SPMIP3: variants seen among roughly 807,000 people sequenced by gnomAD.
The protein encoded by SPMIP3 is protein SPMIP3.
the SPMIP3 span, among the ~76,000 whole-genome samples, chr1:244,371,734 G>T: frequency 1.1e-4 from 17 of 152,304 alleles, no homozygotes; most frequent in Non-Finnish European, 2.4e-4. Context: ...CCTTTAGGTG[G>T]GTTCTTAAAC....
chr1:244,374,973 TTTTCA>T, the SPMIP3 span: 1 of 153,524 alleles, frequency 6.5e-6, no homozygotes, highest in African/African-American at 2.4e-5. Flanking sequence ...TTTGTTTTTC[TTTTCA>T]TTTAATTTCA....
At chr1:244,370,043 A>G in the SPMIP3 span, among the ~76,000 whole-genome samples, 1 of 152,078 alleles carries the variant, frequency 6.6e-6, no homozygotes, top group Non-Finnish European at 1.5e-5. Flanking sequence ...TTTACAGGCT[A>G]CTCTTTGTTA....
the SPMIP3 span, among the ~76,000 whole-genome samples, chr1:244,357,904 C>A: frequency 1.3e-5 from 2 of 151,560 alleles, no homozygotes; most frequent in African/African-American, 4.9e-5. Flanking sequence ...ATAGTGAGAC[C>A]CATCTCTACA....
the SPMIP3 span, among the ~76,000 whole-genome samples, chr1:244,373,404 G>A: frequency 7.1e-6 from 1 of 140,192 alleles, no homozygotes; most frequent in Non-Finnish European, 1.5e-5. Flanking sequence ...TTAGGAAGCT[G>A]AAACAGGAGG....
chr1:244,372,009 C>A, the SPMIP3 span, among the ~76,000 whole-genome samples: 7 of 152,234 alleles, frequency 4.6e-5, no homozygotes, highest in Non-Finnish European at 8.8e-5. Context: ...TTTGCACAGA[C>A]AGAGACAGAA....
At chr1:244,371,633 T>G in the SPMIP3 span, among the ~76,000 whole-genome samples, 1 of 152,336 alleles carries the variant, frequency 6.6e-6, no homozygotes, top group East Asian at 1.9e-4. Flanking sequence ...CTGAGTTTAC[T>G]CACCTGTATT....
At chr1:244,362,399 C>T in the SPMIP3 span, among the ~76,000 whole-genome samples, 1 of 152,202 alleles carries the variant, frequency 6.6e-6, no homozygotes, top group Non-Finnish European at 1.5e-5. Flanking sequence ...ATACAAGTTA[C>T]TTAACTTCTT....
At chr1:244,375,260 A>C in the SPMIP3 span, 1 of 802,624 alleles carries the variant, frequency 1.2e-6, no homozygotes, top group Non-Finnish European at 2.0e-6. Context: ...TCAGTGCCAG[A>C]AACTGGGGAC....
At chr1:244,356,230 T>G in the SPMIP3 span, among the ~76,000 whole-genome samples, 60,667 of 152,004 alleles carry the variant, frequency 0.4, 12,677 homozygotes, top group Middle Eastern at 0.5. Flanking sequence ...GAGCACTCAG[T>G]CTTTAACCAT....
At chr1:244,379,745 C>T in the SPMIP3 span, among the ~76,000 whole-genome samples, 46 of 152,088 alleles carry the variant, frequency 3.0e-4, no homozygotes, top group South Asian at 5.8e-3. Flanking sequence ...TTTGGGAGGC[C>T]GAGGCAGGCG....
the SPMIP3 span, among the ~76,000 whole-genome samples, chr1:244,370,201 G>A: frequency 4.6e-5 from 7 of 152,196 alleles, no homozygotes; most frequent in South Asian, 2.1e-4. Flanking sequence ...CAAATGTCTC[G>A]TTTACTCTCA....
chr1:244,375,337 T>C, the SPMIP3 span: 53 of 1,516,300 alleles, frequency 3.5e-5, no homozygotes, highest in Non-Finnish European at 4.8e-5. Context: ...ATTGTAAGAA[T>C]GGCTTTCTTC....
At chr1:244,372,355 A>G in the SPMIP3 span, among the ~76,000 whole-genome samples, 1 of 152,196 alleles carries the variant, frequency 6.6e-6, no homozygotes, top group Non-Finnish European at 1.5e-5. Flanking sequence ...GTCGAACTGA[A>G]GGCATAGTTT....
the SPMIP3 span, among the ~76,000 whole-genome samples, chr1:244,360,509 T>TACAC: frequency 0.087 from 5,107 of 58,698 alleles, 122 homozygotes; most frequent in South Asian, 0.12. Flanking sequence ...AAACGTGATA[T>TACAC]ACACACACAC....
At chr1:244,369,089 G>A in the SPMIP3 span, among the ~76,000 whole-genome samples, 2 of 152,164 alleles carry the variant, frequency 1.3e-5, no homozygotes, top group African/African-American at 4.8e-5. Flanking sequence ...AACCTGGGAA[G>A]GCAGAGGTGG....
the SPMIP3 span, among the ~76,000 whole-genome samples, chr1:244,386,513 T>C: frequency 5.3e-5 from 8 of 152,360 alleles, no homozygotes; most frequent in Admixed American, 1.3e-4. Context: ...TTGTGTATGA[T>C]TCAACCCCAT....
the SPMIP3 span, among the ~76,000 whole-genome samples, chr1:244,359,140 C>CAAAAA: frequency 1.5e-5 from 2 of 133,206 alleles, no homozygotes; most frequent in Non-Finnish European, 1.6e-5. Context: ...TGATTAATGG[C>CAAAAA]AAAAAAAAAA....
the SPMIP3 span, chr1:244,375,389 A>G: frequency 6.9e-5 from 111 of 1,613,796 alleles, no homozygotes; most frequent in African/African-American, 1.3e-3. Flanking sequence ...ATCGCTCACC[A>G]AGGAAGAGAC....
At chr1:244,360,769 A>G in the SPMIP3 span, among the ~76,000 whole-genome samples, 1 of 151,938 alleles carries the variant, frequency 6.6e-6, no homozygotes, top group Non-Finnish European at 1.5e-5. Flanking sequence ...CTGTAGTCCC[A>G]GCTACTCAGG....
Sources: allele counts gnomAD v4.1 joint callset (sites outside exome capture counted in the v4.1 genomes callset), GRCh38; gene constraint gnomAD v4.1.1; transcripts MANE v1.5; gene names NCBI Gene and HGNC (gene_info 2026-07-23, HGNC 2026-07-21).